Variants in NLGN4Y observed in about 807,000 individuals in gnomAD.
NLGN4Y encodes neuroligin-4, Y-linked.
A neutral mutation model predicts 8.4 loss-of-function variants in NLGN4Y; 4 were observed. The observed-to-expected ratio is 0.48, with a 90% CI of 0.23 to 1.09. The LOEUF (loss-of-function observed/expected upper bound fraction) is 1.09. Ranked by LOEUF, NLGN4Y falls within the 50% of genes least tolerant of loss-of-function variation. NLGN4Y has a pLI of 0.19. For synonymous variants in NLGN4Y, 35 were observed against 75.6 expected, an observed-to-expected ratio of 0.46 and a Z score of 2.78; for missense variants, 90 against 192.3, an observed-to-expected ratio of 0.47 and a Z score of 3.15.
At chrY:14,624,329 A>G in intron 2 of NLGN4Y, among the ~76,000 whole-genome samples, 1 of 33,162 alleles carries the variant, frequency 3.0e-5, no homozygotes, top group Non-Finnish European at 7.4e-5. Context: ...ACCCATGAAA[A>G]AAATCAATAG....
At chrY:14,671,603 T>A in intron 2 of NLGN4Y, among the ~76,000 whole-genome samples, 3 of 30,741 alleles carry the variant, frequency 9.8e-5, no homozygotes, top group Non-Finnish European at 2.3e-4. Flanking sequence ...TCCCAGCACA[T>A]TGAGAGGCCA....
At chrY:14,537,258 C>T in intron 1 of NLGN4Y, among the ~76,000 whole-genome samples, 3 of 32,922 alleles carry the variant, frequency 9.1e-5, no homozygotes. Context: ...AACAGCTGTC[C>T]CTGCTGTGGT....
chrY:14,547,929 C>A, intron 1 of NLGN4Y, among the ~76,000 whole-genome samples: 1 of 32,677 alleles, frequency 3.1e-5, no homozygotes, highest in Non-Finnish European at 7.5e-5. Context: ...CAAGAAATAA[C>A]CATCCAAAGT....
chrY:14,604,678 T>A (rs2080440744), intron 1 of NLGN4Y, among the ~76,000 whole-genome samples: 2 of 33,693 alleles, frequency 5.9e-5, no homozygotes, highest in Non-Finnish European at 1.5e-4. Flanking sequence ...AGGGAGGTGA[T>A]GGAGTTGATA....
intron 1 of NLGN4Y, among the ~76,000 whole-genome samples, chrY:14,574,654 G>T (rs2080289742): frequency 3.0e-5 from 1 of 33,348 alleles, no homozygotes. Flanking sequence ...TGGTTATTTT[G>T]CTCATTAGTT....
At chrY:14,621,987 G>A (rs1480535657) in intron 1 of NLGN4Y, 22 bp from the exon 2 acceptor site, 2 of 184,939 alleles carry the variant, frequency 1.1e-5, no homozygotes, top group Admixed American at 1.8e-4. Context: ...CATTATTCTT[G>A]TCTGCTTTCT....
At chrY:14,839,451 T>C in intron 6 of NLGN4Y, among the ~76,000 whole-genome samples, 1 of 33,383 alleles carries the variant, frequency 3.0e-5, no homozygotes, top group Non-Finnish European at 7.4e-5. Context: ...CTTGTGCAAA[T>C]AATAATAAGA....
chrY:14,845,534 A>T lies in NLGN4Y; in HGVS notation c.*4272A>T. On this transcript the variant is annotated 3_prime_UTR_variant, in exon 7 of 7. Coordinates refer to ENST00000684976, the MANE Select transcript of NLGN4Y (RefSeq NM_001365588.1). ...ATTTTGAAAGAAACCACATTCACAT[A>T]ACATTTATGACATTATAATTGTTCT... 3.0e-5 allele frequency: 1 copy of T among 33,292 alleles called. No individual in the cohort carries two copies. The highest frequency in any genetic ancestry group is 7.4e-5 in the Non-Finnish European group (1 of 13,475). The allele number at this position is 33,292 out of a possible 400,897, so 8.3% of individuals were successfully genotyped here. A position where few individuals can be genotyped will look rare whatever the true frequency, so the allele number is the denominator to read the frequency against.
At position 14,841,598 on chromosome Y, in the gene NLGN4Y, A is replaced by G. The variant is rs1421588958; in HGVS notation, c.*336A>G. ...TTCCAACATCATGGTAGCAGCACAC[A>G]CTTCCAAAGCTCAGCCAGGGACACT... On this transcript the variant is annotated 3_prime_UTR_variant, in exon 7 of 7. Transcript: ENST00000684976. The G allele has an allele frequency of 1.6e-5, 2 of 127,054 alleles. No homozygotes were observed. Among genetic ancestry groups the G allele is most frequent in the South Asian group, 7.8e-5 (2 of 25,774 alleles). The allele number at this position is 127,054 out of a possible 400,897, so 31.7% of individuals were successfully genotyped here.
chrY:14,779,565 GCCAGCCTGTCTTACAGATT>G (rs2081139658), intron 4 of NLGN4Y, among the ~76,000 whole-genome samples: 3 of 33,217 alleles, frequency 9.0e-5, no homozygotes, highest in Non-Finnish European at 1.5e-4. Context: ...CAGCCAGCCA[GCCAGCCTGTCTTACAGATT>G]CCAGACTTGC....
At chrY:14,620,062 T>C (rs2150506789) in intron 1 of NLGN4Y, among the ~76,000 whole-genome samples, 1 of 32,975 alleles carries the variant, frequency 3.0e-5, no homozygotes, top group African/African-American at 1.2e-4. Context: ...AGGAAAAATA[T>C]TTATTGGGAA....
intron 4 of NLGN4Y, among the ~76,000 whole-genome samples, chrY:14,796,647 A>G: frequency 3.1e-5 from 1 of 32,092 alleles, no homozygotes; most frequent in Non-Finnish European, 7.6e-5. Context: ...ACATTATGTG[A>G]AGTGAAATGA....
chrY:14,532,214 G>T, intron 1 of NLGN4Y, among the ~76,000 whole-genome samples: 1 of 31,936 alleles, frequency 3.1e-5, no homozygotes, highest in African/African-American at 1.2e-4. Context: ...ACCTGAGGTT[G>T]TGTGGAAGTC....
intron 1 of NLGN4Y, among the ~76,000 whole-genome samples, chrY:14,589,386 G>A: frequency 3.2e-5 from 1 of 31,697 alleles, no homozygotes; most frequent in Non-Finnish European, 7.6e-5. Context: ...TACAATCCTC[G>A]AGCTAGATAC....
chrY:14,690,301 A>G (rs755950800), intron 2 of NLGN4Y, among the ~76,000 whole-genome samples: 5 of 33,474 alleles, frequency 1.5e-4, no homozygotes, highest in Admixed American at 8.1e-4. Flanking sequence ...GTTTTGTATT[A>G]TCTGTAGAAA....
intron 6 of NLGN4Y, 152 bp from the exon 7 acceptor site, chrY:14,840,261 G>T: frequency 5.4e-6 from 1 of 184,868 alleles, no homozygotes; most frequent in Non-Finnish European, 9.3e-6. Context: ...TAGGATGAAA[G>T]CAGAATGTAC....
At chrY:14,534,109 G>A in intron 1 of NLGN4Y, among the ~76,000 whole-genome samples, 1 of 33,027 alleles carries the variant, frequency 3.0e-5, no homozygotes, top group Non-Finnish European at 7.4e-5. Context: ...AGGTATATAC[G>A]CAGTAATGGG....
At chrY:14,578,041 C>A (rs2080304408) in intron 1 of NLGN4Y, among the ~76,000 whole-genome samples, 1 of 31,882 alleles carries the variant, frequency 3.1e-5, no homozygotes, top group Admixed American at 2.9e-4. Flanking sequence ...CACATGGACA[C>A]AGGGAGGGGA....
intron 1 of NLGN4Y, among the ~76,000 whole-genome samples, chrY:14,558,033 A>G: frequency 3.0e-5 from 1 of 33,471 alleles, no homozygotes; most frequent in Non-Finnish European, 7.4e-5. Flanking sequence ...ATTTTTCTGG[A>G]AAGTGTAGGC....
Sources: allele counts gnomAD v4.1 joint callset (sites outside exome capture counted in the v4.1 genomes callset), GRCh38; gene constraint gnomAD v4.1.1; transcripts MANE v1.5; gene names NCBI Gene and HGNC (gene_info 2026-07-23, HGNC 2026-07-21).